ZNF326: variants seen among roughly 807,000 people sequenced by gnomAD.
ZNF326 encodes DBIRD complex subunit ZNF326.
In ZNF326, 30 loss-of-function variants were observed where a neutral mutation model predicts 63.1. That is an observed-to-expected ratio of 0.48 (90% CI 0.36 to 0.64). The LOEUF (loss-of-function observed/expected upper bound fraction) is 0.64, where lower values mean the gene tolerates loss of function less well. Among genes scored for constraint, ZNF326 ranks in the 30% least tolerant of loss-of-function variants. The probability of loss-of-function intolerance (pLI) is 0.00; values close to 1 mark genes in which losing one functional copy is unlikely to be tolerated. For missense variants in ZNF326, 609 were observed against 720.3 expected (o/e 0.85, Z 1.77); for synonymous variants, 194 against 228.2 (o/e 0.85, Z 1.35).
chr1:90,009,688 A>T (rs990122721), intron 5 of ZNF326, among the ~76,000 whole-genome samples: 16 of 152,142 alleles, frequency 1.1e-4, no homozygotes, highest in African/African-American at 2.4e-4. Context: ...TCTTAGTTTT[A>T]GTAAAATAAA....
intron 6 of ZNF326, among the ~76,000 whole-genome samples, chr1:90,011,076 G>A (rs570813075): frequency 1.3e-5 from 2 of 152,088 alleles, no homozygotes; most frequent in East Asian, 1.9e-4. Context: ...TATTTTGCAC[G>A]TATGGTTAAA....
intron 7 of ZNF326, among the ~76,000 whole-genome samples, chr1:90,013,802 G>A (rs902613006): frequency 4.6e-5 from 7 of 152,014 alleles, no homozygotes; most frequent in South Asian, 2.1e-4. Context: ...AGTGGCTCAT[G>A]CCTGTAATCC....
At chr1:90,014,201 A>AT (rs939497451) in intron 7 of ZNF326, among the ~76,000 whole-genome samples, 16 of 152,126 alleles carry the variant, frequency 1.1e-4, no homozygotes, top group Admixed American at 9.8e-4. Flanking sequence ...CTGCAAGGAG[A>AT]TTTTTTTCCC....
rs1199848878 is a variant in ZNF326 at position 89,995,200 on chromosome 1, C to A, written c.-58C>A. ...TGTGGAATCGCGGGTCGCGGACGCTCGCCGCCGGCCATAGCTCAGCCTAGC... is the reference window on the plus strand; with the variant it reads ...TGTGGAATCGCGGGTCGCGGACGCTAGCCGCCGGCCATAGCTCAGCCTAGC... On this transcript the variant is annotated 5_prime_UTR_variant, in exon 1 of 12. Transcript: ENST00000340281. 132 of 1,523,142 alleles carry A rather than the reference C, an allele frequency of 8.7e-5. No individual in the cohort carries two copies. Among genetic ancestry groups the A allele is most frequent in the Non-Finnish European group, 1.1e-4 (129 of 1,138,330 alleles). The allele number at this position is 1,523,142 out of a possible 1,614,324, so 94.4% of individuals were successfully genotyped here.
intron 2 of ZNF326, among the ~76,000 whole-genome samples, chr1:90,001,879 C>T (rs1648703631): frequency 6.6e-6 from 1 of 151,952 alleles, no homozygotes; most frequent in African/African-American, 2.4e-5. Context: ...TTTTTTTCCC[C>T]CAGTATGTCA....
intron 5 of ZNF326, 152 bp from the exon 6 acceptor site, chr1:90,009,936 A>G (rs1475942940): frequency 3.1e-6 from 2 of 647,236 alleles, no homozygotes; most frequent in African/African-American, 1.8e-5. Flanking sequence ...GAGTTTTTCA[A>G]TGTGTTTTTT....
chr1:90,030,686 T>C lies in ZNF326; in HGVS notation c.*2985T>C, dbSNP rs376983473. The stretch of plus-strand genomic sequence containing the variant: ...TTTTTCTACTTTTTTTTTTTTTTTC[T>C]TTAGGTTCTGTCTTTGTCATGCAGG... On this transcript the variant is annotated 3_prime_UTR_variant, in exon 12 of 12. Coordinates refer to ENST00000340281, the MANE Select transcript of ZNF326 (RefSeq NM_182976.4). 6.6e-5 allele frequency: 10 copies of C among 150,804 alleles called. No homozygotes were observed. The East Asian group carries it at 1.7e-3, about 26-fold the overall frequency. The allele number at this position is 150,804 out of a possible 1,614,324, so 9.3% of individuals were successfully genotyped here.
intron 2 of ZNF326, among the ~76,000 whole-genome samples, chr1:89,998,851 A>G (rs985946795): frequency 6.6e-6 from 1 of 152,236 alleles, no homozygotes; most frequent in African/African-American, 2.4e-5. Flanking sequence ...TGCCAGAGAA[A>G]TGTAAAATCC....
intron 11 of ZNF326, among the ~76,000 whole-genome samples, chr1:90,026,590 T>A (rs1163677712): frequency 6.6e-6 from 1 of 152,208 alleles, no homozygotes; most frequent in Non-Finnish European, 1.5e-5. Flanking sequence ...GTGAATAATG[T>A]CACCACATCT....
chr1:89,997,540 A>G (rs955728865), intron 1 of ZNF326, among the ~76,000 whole-genome samples: 10 of 151,982 alleles, frequency 6.6e-5, no homozygotes, highest in African/African-American at 2.4e-4. Flanking sequence ...GGCCCGGCTA[A>G]TTTTTATATT....
At chr1:90,012,867 G>T (rs114683181) in intron 6 of ZNF326, among the ~76,000 whole-genome samples, 6,746 of 152,088 alleles carry the variant, frequency 0.044, 354 homozygotes, top group African/African-American at 0.13. Context: ...CACATTTAAA[G>T]AAAAATATGT....
rs768628570 is a variant in ZNF326 at position 90,005,025 on chromosome 1, T to G, written c.84T>G (p.Pro28=). Reference sequence around the variant, plus strand: ...TAGGAATGGATCGTGATTATGGCCCTGGATCTTATGGAGGTCTGACATTCA... The same window carrying G: ...TAGGAATGGATCGTGATTATGGCCCGGGATCTTATGGAGGTCTGACATTCA... The part of the protein sequence containing the change: ...GFNGMDRDYG[P]GSYGGMDRDY... Residue 28 remains proline, a synonymous_variant, in exon 3 of 12, where the codon CCT becomes CCG. Coordinates refer to ENST00000340281, the MANE Select transcript of ZNF326 (RefSeq NM_182976.4). The G allele has an allele frequency of 1.7e-5, 28 of 1,614,074 alleles. No individual in the cohort carries two copies. In the South Asian group the frequency reaches 3.1e-4, roughly 18 times the overall value.
intron 7 of ZNF326, 36 bp downstream of exon 7, chr1:90,013,273 A>G: frequency 1.4e-6 from 2 of 1,441,388 alleles, no homozygotes; most frequent in Non-Finnish European, 1.9e-6. Flanking sequence ...GGTTCATTAA[A>G]AAATGATTTC....
intron 5 of ZNF326, among the ~76,000 whole-genome samples, chr1:90,009,246 A>G (rs992877072): frequency 6.6e-6 from 1 of 152,114 alleles, no homozygotes; most frequent in African/African-American, 2.4e-5. Flanking sequence ...TACATTTTAA[A>G]TCTTCACTTG....
rs771861965 is a variant in ZNF326, at chr1:90,033,551, AAAG to A, written c.*5854_*5856del. 2.0e-5 allele frequency: 3 copies of A among 152,224 alleles called. No homozygotes were observed. The highest frequency in any genetic ancestry group is 4.4e-5 in the Non-Finnish European group (3 of 68,020). 9.4% of individuals were successfully genotyped at this position (152,224 alleles called of 1,614,324 possible). A position where few individuals can be genotyped will look rare whatever the true frequency, so the allele number is the denominator to read the frequency against. On this transcript the variant is annotated 3_prime_UTR_variant, in exon 12 of 12. Coordinates refer to ENST00000340281, the MANE Select transcript of ZNF326 (RefSeq NM_182976.4). ...TAATTTTAAAAATGCAAGTTGCTAT[AAAG>A]AAGTATCTTGGAAATAAACAGTTGT...
intron 4 of ZNF326, chr1:90,005,978 AG>A: frequency 1.0e-6 from 1 of 985,454 alleles, no homozygotes; most frequent in Non-Finnish European, 1.2e-6. Flanking sequence ...TTTCAGGAGA[AG>A]GGGTGTCTAC....
Position 90,005,148 on chromosome 1 carries a change from A to G in ZNF326, c.113A>G (p.Tyr38Cys). 5 of 1,614,052 alleles carry G rather than the reference A, an allele frequency of 3.1e-6. 1 individual carries two copies. The highest frequency in any genetic ancestry group is 2.2e-5 in the South Asian group (2 of 91,076). ...PGSYGGMDRD[Y>C]GHGSYGGQRS... ...ACTCTTATAGGGATGGATCGTGACT[A>G]TGGCCATGGATCCTATGGGGGTCAG... The change falls in exon 4 of 12, where the codon TAT becomes TGT. Residue 38 changes from tyrosine to cysteine, a missense_variant. This residue lies in a region of ZNF326 where 97 missense variants were observed against 88.7 expected (regional missense o/e 1.09). Transcript: ENST00000340281.
chr1:90,033,710 A>G lies in ZNF326; in HGVS notation c.*6009A>G, dbSNP rs1249368591. On this transcript the variant is annotated 3_prime_UTR_variant, in exon 12 of 12. Transcript: ENST00000340281. ...AGATAAAAAAGATGGAAGTTACAGT[A>G]AAAGACATAGATGTATCTCTTAAAG... 1 of 152,166 alleles carries G rather than the reference A, an allele frequency of 6.6e-6. No homozygotes were observed. The highest frequency in any genetic ancestry group is 1.5e-5 in the Non-Finnish European group (1 of 68,012). The allele number at this position is 152,166 out of a possible 1,614,324, so 9.4% of individuals were successfully genotyped here. A position where few individuals can be genotyped will look rare whatever the true frequency, so the allele number is the denominator to read the frequency against.
At position 90,029,388 on chromosome 1, in the gene ZNF326, G is replaced by C. The variant is rs1367262899; in HGVS notation, c.*1687G>C. Reference sequence around the variant, plus strand: ...GGGATTTGGTGCCAAATAAGAGAAGGGTAGTTGAAGACTAGATAAATTTGG... The same window carrying C: ...GGGATTTGGTGCCAAATAAGAGAAGCGTAGTTGAAGACTAGATAAATTTGG... On this transcript the variant is annotated 3_prime_UTR_variant, in exon 12 of 12. Transcript: ENST00000340281. 1 of 151,898 alleles carries C rather than the reference G, an allele frequency of 6.6e-6. No individual in the cohort carries two copies. Among genetic ancestry groups the C allele is most frequent in the Admixed American group, 6.6e-5 (1 of 15,248 alleles). 9.4% of individuals were successfully genotyped at this position (151,898 alleles called of 1,614,324 possible).
Sources: allele counts gnomAD v4.1 joint callset (sites outside exome capture counted in the v4.1 genomes callset), GRCh38; gene constraint gnomAD v4.1.1; regional missense constraint gnomAD v4.1.1; transcripts MANE v1.5; gene names NCBI Gene and HGNC (gene_info 2026-07-23, HGNC 2026-07-21).